APP: variants seen among roughly 807,000 people sequenced by gnomAD.
APP encodes amyloid beta precursor protein, also known as amyloid-beta precursor protein.
A neutral mutation model predicts 101.4 loss-of-function variants in APP; 31 were observed. The observed-to-expected ratio is 0.31, with a 90% CI of 0.23 to 0.41. The LOEUF (loss-of-function observed/expected upper bound fraction) is 0.41, where lower values mean the gene tolerates loss of function less well. APP is among the 10% of genes least tolerant of loss of function. The pLI is 1.00. For synonymous variants in APP, 366 were observed against 364.4 expected (o/e 1.00, Z -0.05); for missense variants, 839 against 1,003.7 (o/e 0.84, Z 2.22).
intron 13 of APP, among the ~76,000 whole-genome samples, chr21:25,938,126 T>A (rs1220159374): frequency 6.6e-6 from 1 of 152,188 alleles, no homozygotes; most frequent in Non-Finnish European, 1.5e-5. Flanking sequence ...AATAAGCAGT[T>A]TATGCCAATC....
chr21:25,975,238 T>C lies in APP; in HGVS notation c.1300-10A>G. On this transcript the variant is annotated splice_polypyrimidine_tract_variant and intron_variant, in intron 10 of 17. Coordinates refer to ENST00000346798, the MANE Select transcript of APP (RefSeq NM_000484.4). ...CTTTCTCCTGGAAATGCTGCCATCA[T>C]AAACACATATGTCCATGGGGACTGA... 1 of 1,614,188 alleles carries C rather than the reference T, an allele frequency of 6.2e-7. No individual in the cohort carries two copies. The highest frequency in any genetic ancestry group is 1.3e-5 in the African/African-American group (1 of 75,056).
At chr21:26,089,539 A>G (rs1318926673) in intron 3 of APP, 4 of 149,080 alleles carry the variant, frequency 2.7e-5, no homozygotes, top group Non-Finnish European at 5.9e-5. Context: ...AGAAATTAAC[A>G]AAATGCTGCA....
At chr21:26,010,224 AAAAAC>A (rs1486377547) in intron 6 of APP, among the ~76,000 whole-genome samples, 8 of 152,046 alleles carry the variant, frequency 5.3e-5, no homozygotes, top group Non-Finnish European at 7.4e-5. Context: ...AAAAAAAAAA[AAAAAC>A]AAAACAAAAC....
At chr21:26,156,674 A>C (rs956048644) in intron 1 of APP, among the ~76,000 whole-genome samples, 3 of 152,220 alleles carry the variant, frequency 2.0e-5, no homozygotes, top group African/African-American at 7.2e-5. Context: ...AGATGTATGA[A>C]AGCAGAACAG....
chr21:26,122,467 G>A (rs1383277709), intron 1 of APP, among the ~76,000 whole-genome samples: 2 of 152,198 alleles, frequency 1.3e-5, no homozygotes, highest in African/African-American at 4.8e-5. Flanking sequence ...GGGGGATAAG[G>A]AGAGTGAGTA....
Position 25,886,158 on chromosome 21 carries a change from G to GC in APP, c.2212-4388dup, listed in dbSNP as rs952338611. Among the ~76,000 whole-genome samples the GC allele has an allele frequency of 2.6e-5, 4 of 151,920 alleles. 1 individual carries two copies. Among genetic ancestry groups the GC allele is most frequent in the African/African-American group, 9.7e-5 (4 of 41,340 alleles). On this transcript the variant is annotated intron_variant, in intron 17 of 17. Transcript: ENST00000346798. ...AACAATAGTGTGACACATCAAAGGA[G>GC]CCACAAGTCTGCGGAAAAAAAAAAT...
intron 6 of APP, among the ~76,000 whole-genome samples, chr21:26,002,735 T>C (rs1438228978): frequency 3.3e-5 from 5 of 152,172 alleles, no homozygotes; most frequent in Non-Finnish European, 5.9e-5. Flanking sequence ...AAATTTACCA[T>C]GCCTTGGCAA....
chr21:26,153,350 T>C (rs2063316142), intron 1 of APP, among the ~76,000 whole-genome samples: 1 of 152,174 alleles, frequency 6.6e-6, no homozygotes, highest in South Asian at 2.1e-4. Flanking sequence ...ATTGTTTATA[T>C]TTACTAAGAA....
At chr21:25,888,144 A>G (rs2829973) in intron 17 of APP, among the ~76,000 whole-genome samples, 57,512 of 151,934 alleles carry the variant, frequency 0.38, 11,066 homozygotes, top group South Asian at 0.45. Flanking sequence ...ATATTGATGT[A>G]CTCATTTTTG....
intron 1 of APP, among the ~76,000 whole-genome samples, chr21:26,117,860 T>C (rs1400872466): frequency 6.6e-6 from 1 of 152,176 alleles, no homozygotes; most frequent in Non-Finnish European, 1.5e-5. Context: ...TAAAAAATGA[T>C]TTGCCATGAA....
At chr21:26,041,451 C>T (rs1023190942) in intron 5 of APP, among the ~76,000 whole-genome samples, 1 of 152,106 alleles carries the variant, frequency 6.6e-6, no homozygotes, top group Non-Finnish European at 1.5e-5. Flanking sequence ...GGAATTTGTA[C>T]AGTTTAATTA....
chr21:26,095,102 C>T (rs2061912303), intron 2 of APP, among the ~76,000 whole-genome samples: 1 of 152,300 alleles, frequency 6.6e-6, no homozygotes, highest in East Asian at 1.9e-4. Flanking sequence ...CCTTGGCCTC[C>T]CAAAGTGTTG....
intron 5 of APP, among the ~76,000 whole-genome samples, chr21:26,027,019 A>C (rs909368848): frequency 2.6e-5 from 4 of 152,192 alleles, no homozygotes; most frequent in Non-Finnish European, 5.9e-5. Flanking sequence ...AAAACAATAA[A>C]GTCTATATTT....
chr21:26,036,184 A>T (rs2045100663), intron 5 of APP, among the ~76,000 whole-genome samples: 1 of 151,262 alleles, frequency 6.6e-6, no homozygotes, highest in African/African-American at 2.4e-5. Flanking sequence ...GTAAAGAGAT[A>T]GCCAGTGTCA....
At chr21:26,140,201 C>G in intron 1 of APP, 1 of 1,536,156 alleles carries the variant, frequency 6.5e-7, no homozygotes, top group Non-Finnish European at 8.7e-7. Context: ...CCATTTGAAT[C>G]TGGGGAAGAG....
At chr21:26,022,150 C>A in intron 5 of APP, 108 bp from the exon 6 acceptor site, 1 of 1,276,902 alleles carries the variant, frequency 7.8e-7, no homozygotes, top group Non-Finnish European at 1.1e-6. Context: ...GAAACACACC[C>A]AAAACTTCAA....
intron 6 of APP, 36 bp from the exon 7 acceptor site, chr21:26,000,218 T>C (rs775016198): frequency 6.2e-7 from 1 of 1,611,872 alleles, no homozygotes; most frequent in Non-Finnish European, 8.5e-7. Flanking sequence ...ACATTTAGCA[T>C]GAAAAGGCAC....
intron 2 of APP, among the ~76,000 whole-genome samples, chr21:26,105,789 A>G (rs2062169717): frequency 6.6e-6 from 1 of 152,190 alleles, no homozygotes; most frequent in Non-Finnish European, 1.5e-5. Flanking sequence ...CCAAAAAGCC[A>G]CTTAAAATCC....
intron 2 of APP, among the ~76,000 whole-genome samples, chr21:26,111,666 G>C (rs969550033): frequency 2.0e-5 from 3 of 152,034 alleles, no homozygotes; most frequent in African/African-American, 7.2e-5. Flanking sequence ...GAGCCCAGTA[G>C]GTCAAGGCTA....
Sources: gnomAD v4.1 joint callset for allele counts (sites outside exome capture counted in the v4.1 genomes callset) on GRCh38, gnomAD v4.1.1 for gene constraint, MANE v1.5 for transcripts, NCBI Gene and HGNC (gene_info 2026-07-23, HGNC 2026-07-21) for gene names.